FRMPD4: variants seen among roughly 807,000 people sequenced by gnomAD.
The protein encoded by FRMPD4 is FERM and PDZ domain containing 4.
In FRMPD4, 22 loss-of-function variants were observed where a neutral mutation model predicts 94.1. The observed-to-expected ratio is 0.23, with a 90% CI of 0.17 to 0.33. The LOEUF (loss-of-function observed/expected upper bound fraction) is 0.33. FRMPD4 is among the 10% of genes least tolerant of loss of function. The pLI, the probability that FRMPD4 is intolerant of heterozygous loss-of-function variation, is 1.00. For missense variants in FRMPD4, 1,111 were observed against 1,339.9 expected, an observed-to-expected ratio of 0.83 and a Z score of 2.67; for synonymous variants, 631 against 548.6, an observed-to-expected ratio of 1.15 and a Z score of -2.10.
At chrX:12,069,238 A>G (rs2054946051) in intron 3 of FRMPD4, among the ~76,000 whole-genome samples, 1 of 111,801 alleles carries the variant, frequency 8.9e-6, no homozygotes, top group Non-Finnish European at 1.9e-5. Context: ...AAACGAGGGG[A>G]AGACTGCTGG....
At chrX:12,547,357 C>T (rs1189877549) in intron 2 of FRMPD4, among the ~76,000 whole-genome samples, 2 of 111,928 alleles carry the variant, frequency 1.8e-5, no homozygotes, top group African/African-American at 3.2e-5. Flanking sequence ...GTCAGCAAAC[C>T]ATAGCCCATC....
intron 1 of FRMPD4, among the ~76,000 whole-genome samples, chrX:12,261,479 A>T (rs1162384765): frequency 1.8e-5 from 2 of 111,571 alleles, no homozygotes; most frequent in African/African-American, 6.5e-5. Flanking sequence ...AATGCATACC[A>T]CTAGGACTTG....
chrX:12,032,006 AC>A (rs758756559), intron 3 of FRMPD4, among the ~76,000 whole-genome samples: 3 of 111,661 alleles, frequency 2.7e-5, no homozygotes, highest in South Asian at 3.8e-4. Context: ...TCTGGAGCTA[AC>A]CCCAGGTTTT....
At chrX:12,397,407 AT>A (rs2056556672) in intron 1 of FRMPD4, among the ~76,000 whole-genome samples, 1 of 112,151 alleles carries the variant, frequency 8.9e-6, no homozygotes, top group Admixed American at 9.5e-5. Flanking sequence ...AGGAAAAAAA[AT>A]CAACTGCAGC....
At chrX:12,067,437 G>C (rs1367905175) in intron 3 of FRMPD4, among the ~76,000 whole-genome samples, 1 of 107,966 alleles carries the variant, frequency 9.3e-6, no homozygotes, top group Non-Finnish European at 1.9e-5. Context: ...GTTTTTTTTT[G>C]AGAGGAGTCT....
intron 1 of FRMPD4, among the ~76,000 whole-genome samples, chrX:12,327,795 GA>G (rs367840825): frequency 0.032 from 2,918 of 92,264 alleles, 84 homozygotes; most frequent in African/African-American, 0.098. Flanking sequence ...TTTTCAGAGA[GA>G]AAAAAAAAAA....
chrX:12,479,046 C>A (rs1433717957), intron 1 of FRMPD4, among the ~76,000 whole-genome samples: 1 of 110,824 alleles, frequency 9.0e-6, no homozygotes, highest in Non-Finnish European at 1.9e-5. Flanking sequence ...GTTAATAACA[C>A]AGGATTGGAA....
chrX:11,847,057 T>C (rs1294117393), intron 1 of FRMPD4, among the ~76,000 whole-genome samples: 4 of 106,334 alleles, frequency 3.8e-5, no homozygotes, highest in African/African-American at 1.4e-4. Flanking sequence ...AAAGAGCTTC[T>C]GCACAGCAAA....
At chrX:12,513,487 T>C (rs950206393) in intron 2 of FRMPD4, among the ~76,000 whole-genome samples, 2 of 112,239 alleles carry the variant, frequency 1.8e-5, no homozygotes, top group Non-Finnish European at 3.8e-5. Context: ...CTTTCCCCAT[T>C]GCTTGTTTTT....
intron 3 of FRMPD4, among the ~76,000 whole-genome samples, chrX:12,021,889 T>C (rs979222699): frequency 8.9e-6 from 1 of 112,634 alleles, no homozygotes; most frequent in Non-Finnish European, 1.9e-5. Context: ...TGTTACTGGT[T>C]GAGACCTTCA....
At chrX:12,536,972 T>G (rs1208681749) in intron 2 of FRMPD4, among the ~76,000 whole-genome samples, 2 of 111,854 alleles carry the variant, frequency 1.8e-5, no homozygotes. Context: ...AAAATATTAT[T>G]TATCTAGATT....
chrX:12,635,182 G>T (rs1477729119), intron 4 of FRMPD4, among the ~76,000 whole-genome samples: 1 of 111,662 alleles, frequency 9.0e-6, no homozygotes, highest in Non-Finnish European at 1.9e-5. Flanking sequence ...CTTAAAAGTA[G>T]CATAGCCGTA....
intron 1 of FRMPD4, among the ~76,000 whole-genome samples, chrX:12,371,763 T>G (rs986286586): frequency 9.0e-6 from 1 of 110,719 alleles, no homozygotes; most frequent in African/African-American, 3.3e-5. Context: ...ATGAATAGAG[T>G]GGCCACATAT....
At chrX:12,483,475 G>A (rs2057709652) in intron 1 of FRMPD4, among the ~76,000 whole-genome samples, 1 of 112,200 alleles carries the variant, frequency 8.9e-6, no homozygotes, top group African/African-American at 3.2e-5. Context: ...TAGCCTGTAT[G>A]TATCATTCAT....
At chrX:12,226,664 A>C (rs1422477534) in intron 1 of FRMPD4, among the ~76,000 whole-genome samples, 1 of 111,131 alleles carries the variant, frequency 9.0e-6, no homozygotes, top group Non-Finnish European at 1.9e-5. Flanking sequence ...AATTTGTGTC[A>C]ATTTCTTGAG....
Position 11,862,132 on chromosome X carries a change from C to G in FRMPD4, c.-160-2954C>G, listed in dbSNP as rs2053691015. ...CCCCCATGATCCAATCCACCTCCCA[C>G]CAGGCCCCACCTCCAACATTGGGGG... On this transcript the variant is annotated intron_variant, in intron 1 of 18. Coordinates refer to the FRMPD4 transcript ENST00000640291. Among the ~76,000 whole-genome samples the G allele has an allele frequency of 2.7e-5, 3 of 111,409 alleles. No homozygotes were observed. The South Asian group carries it at 1.1e-3, about 42-fold the overall frequency.
At chrX:12,099,084 G>A (rs2055232615) in intron 3 of FRMPD4, among the ~76,000 whole-genome samples, 1 of 76,678 alleles carries the variant, frequency 1.3e-5, no homozygotes, top group Non-Finnish European at 2.5e-5. Flanking sequence ...GAGGGGGGAG[G>A]GGGGAGGGAT....
At chrX:12,607,864 A>G (rs1372865537) in intron 2 of FRMPD4, among the ~76,000 whole-genome samples, 1 of 112,281 alleles carries the variant, frequency 8.9e-6, no homozygotes, top group Non-Finnish European at 1.9e-5. Context: ...TTGTTTTCCT[A>G]GATAGTGATA....
At chrX:11,957,538 A>C (rs1033038574) in intron 3 of FRMPD4, among the ~76,000 whole-genome samples, 3 of 111,676 alleles carry the variant, frequency 2.7e-5, no homozygotes, top group African/African-American at 9.8e-5. Context: ...AATAAAATAA[A>C]ATAAAATAAA....
Sources: gnomAD v4.1 joint callset for allele counts (sites outside exome capture counted in the v4.1 genomes callset) on GRCh38, gnomAD v4.1.1 for gene constraint, MANE v1.5 for transcripts, NCBI Gene and HGNC (gene_info 2026-07-23, HGNC 2026-07-21) for gene names.